The following EBF3 variants were observed in gnomAD, a reference collection of about 807,000 sequenced individuals.
The protein encoded by EBF3 is transcription factor COE3.
A neutral mutation model predicts 77.1 loss-of-function variants in EBF3; 18 were observed. The ratio of observed to expected loss-of-function variants is 0.23; its 90% CI spans 0.16 to 0.35. The LOEUF (loss-of-function observed/expected upper bound fraction) is 0.35, where lower values mean the gene tolerates loss of function less well. EBF3 is among the 10% of genes least tolerant of loss of function. The probability of loss-of-function intolerance (pLI) is 1.00; values close to 1 mark genes in which losing one functional copy is unlikely to be tolerated. For missense variants in EBF3, 558 were observed against 860.0 expected (o/e 0.65, Z 4.39); for synonymous variants, 350 against 343.5 (o/e 1.02, Z -0.21).
intron 8 of EBF3, among the ~76,000 whole-genome samples, chr10:129,871,020 G>A (rs1285074636): frequency 6.6e-6 from 1 of 152,174 alleles, no homozygotes; most frequent in Non-Finnish European, 1.5e-5. Flanking sequence ...CAGATGGCTG[G>A]CTGATACTCC....
chr10:129,896,963 C>A (rs865814551), intron 6 of EBF3, among the ~76,000 whole-genome samples: 1 of 152,132 alleles, frequency 6.6e-6, no homozygotes. Flanking sequence ...AGCCTTGTAG[C>A]CAAGTTTTGA....
At chr10:129,899,837 A>C (rs1854659326) in intron 6 of EBF3, among the ~76,000 whole-genome samples, 1 of 152,142 alleles carries the variant, frequency 6.6e-6, no homozygotes, top group Admixed American at 6.5e-5. Flanking sequence ...TTGATGTTTT[A>C]GTCTGAGCTG....
chr10:129,904,402 A>G (rs565358518), intron 6 of EBF3, among the ~76,000 whole-genome samples: 1 of 152,332 alleles, frequency 6.6e-6, no homozygotes, highest in East Asian at 1.9e-4. Flanking sequence ...ATGGAGATGG[A>G]TGGATGGACA....
rs955326490 is a variant in EBF3, at chr10:129,836,658, G to A, written c.*1285C>T. On this transcript the variant is annotated 3_prime_UTR_variant, in exon 17 of 17. Coordinates refer to ENST00000440978, the MANE Select transcript of EBF3 (RefSeq NM_001375380.1). ...ATATTTTTTGAAGTACAAATGAAAT[G>A]TAAAGACACTGGTTCAGCTTAACGA... is the stretch of plus-strand genomic sequence containing the variant. The A allele has an allele frequency of 4.7e-5, 7 of 150,506 alleles. No homozygotes were observed. The highest frequency in any genetic ancestry group is 1.7e-4 in the African/African-American group (7 of 40,888). 9.3% of individuals were successfully genotyped at this position (150,506 alleles called of 1,614,324 possible).
At chr10:129,838,024 A>C in intron 16 of EBF3, 64 bp from the exon 17 acceptor site, 1 of 1,589,468 alleles carries the variant, frequency 6.3e-7, no homozygotes, top group Non-Finnish European at 8.6e-7. Flanking sequence ...GCCAACGCTG[A>C]CGCGGGCGGG....
intron 10 of EBF3, among the ~76,000 whole-genome samples, chr10:129,857,694 C>T (rs1190180368): frequency 1.3e-5 from 2 of 152,190 alleles, no homozygotes; most frequent in African/African-American, 2.4e-5. Flanking sequence ...ATCCAGATAC[C>T]AGGCCCCGGG....
intron 14 of EBF3, among the ~76,000 whole-genome samples, 193 bp from the exon 15 acceptor site, chr10:129,840,635 T>C (rs775690459): frequency 9.2e-5 from 14 of 152,176 alleles, no homozygotes; most frequent in Admixed American, 2.0e-4. Flanking sequence ...GAGCAGCCCA[T>C]TTTGTTCTGA....
chr10:129,903,854 CAGAT>C (rs1223356035), intron 6 of EBF3, among the ~76,000 whole-genome samples: 3 of 152,160 alleles, frequency 2.0e-5, no homozygotes, highest in Non-Finnish European at 4.4e-5. Flanking sequence ...AGAGGAGTCT[CAGAT>C]AGAATTCAAT....
intron 6 of EBF3, among the ~76,000 whole-genome samples, chr10:129,880,635 C>T (rs1486147562): frequency 6.6e-6 from 1 of 152,234 alleles, no homozygotes; most frequent in Non-Finnish European, 1.5e-5. Context: ...CTGTCGTGCA[C>T]AACCCTAGAG....
chr10:129,886,311 C>T (rs540406063), intron 6 of EBF3, among the ~76,000 whole-genome samples: 2 of 152,324 alleles, frequency 1.3e-5, no homozygotes, highest in South Asian at 4.1e-4. Context: ...GATTAATGGG[C>T]GCACAGCTCT....
intron 6 of EBF3, among the ~76,000 whole-genome samples, chr10:129,910,040 G>T (rs1855415952): frequency 6.6e-6 from 1 of 152,220 alleles, no homozygotes; most frequent in African/African-American, 2.4e-5. Context: ...AGTAAGCAAC[G>T]CGTGGAGAGG....
At chr10:129,866,760 G>A (rs932205642) in intron 10 of EBF3, among the ~76,000 whole-genome samples, 3 of 152,218 alleles carry the variant, frequency 2.0e-5, no homozygotes, top group Non-Finnish European at 4.4e-5. Context: ...ACGGGGAAGA[G>A]GCATAGAGAC....
chr10:129,850,766 C>G (rs945210805), intron 10 of EBF3, among the ~76,000 whole-genome samples: 4 of 152,232 alleles, frequency 2.6e-5, no homozygotes, highest in Non-Finnish European at 4.4e-5. Context: ...CTCTGTGCCC[C>G]CAAGAGCACC....
At chr10:129,852,139 G>A (rs989816494) in intron 10 of EBF3, among the ~76,000 whole-genome samples, 1 of 152,198 alleles carries the variant, frequency 6.6e-6, no homozygotes, top group East Asian at 1.9e-4. Flanking sequence ...CATACAAATA[G>A]AGCCTGACAC....
In EBF3 at chr10:129,835,807, T is replaced by C. The variant is rs1193559539; in HGVS notation, c.*2136A>G. On this transcript the variant is annotated 3_prime_UTR_variant, in exon 17 of 17. Coordinates refer to ENST00000440978, the MANE Select transcript of EBF3 (RefSeq NM_001375380.1). ...TTTCTGCTGCAGTTTGCAAAATGTT[T>C]GCTGTGCCGTGTCTGCAAAGCACTT... 3 of 152,238 alleles carry C rather than the reference T, an allele frequency of 2.0e-5. No individual in the cohort carries two copies. In the East Asian group the frequency reaches 5.8e-4, roughly 29 times the overall value. The allele number at this position is 152,238 out of a possible 1,614,324, so 9.4% of individuals were successfully genotyped here. A position where few individuals can be genotyped will look rare whatever the true frequency, so the allele number is the denominator to read the frequency against.
chr10:129,951,065 C>T (rs1036980379), intron 6 of EBF3, among the ~76,000 whole-genome samples: 2 of 152,198 alleles, frequency 1.3e-5, no homozygotes, highest in Admixed American at 6.5e-5. Flanking sequence ...ACAATTACAG[C>T]ATCACAGTGA....
intron 6 of EBF3, among the ~76,000 whole-genome samples, chr10:129,951,761 T>C (rs1376167171): frequency 6.6e-6 from 1 of 152,250 alleles, no homozygotes; most frequent in Non-Finnish European, 1.5e-5. Flanking sequence ...GCCGGCGTGG[T>C]GCACACCCGC....
chr10:129,847,096 A>T (rs985683879), intron 11 of EBF3, among the ~76,000 whole-genome samples: 1 of 151,844 alleles, frequency 6.6e-6, no homozygotes, highest in Non-Finnish European at 1.5e-5. Context: ...GCCAGCGGGG[A>T]GGACTGTGCT....
intron 6 of EBF3, among the ~76,000 whole-genome samples, chr10:129,898,097 G>C (rs1418008894): frequency 6.6e-6 from 1 of 152,200 alleles, no homozygotes; most frequent in Non-Finnish European, 1.5e-5. Flanking sequence ...TTCTAGCTCT[G>C]CATGCATAAA....
Sources: allele counts gnomAD v4.1 joint callset (sites outside exome capture counted in the v4.1 genomes callset), GRCh38; gene constraint gnomAD v4.1.1; transcripts MANE v1.5; gene names NCBI Gene and HGNC (gene_info 2026-07-23, HGNC 2026-07-21).